MGAT5: variants seen among roughly 807,000 people sequenced by gnomAD.
The protein encoded by MGAT5 is alpha-1,6-mannosylglycoprotein 6-beta-N-acetylglucosaminyltransferase.
MGAT5 carries 30 observed loss-of-function variants against 94.3 expected under a neutral mutation model. The ratio of observed to expected loss-of-function variants is 0.32; its 90% CI spans 0.24 to 0.43. The LOEUF is 0.43. MGAT5 is among the 20% of genes least tolerant of loss of function. MGAT5 has a pLI of 1.00. For synonymous variants in MGAT5, 310 were observed against 322.9 expected (o/e 0.96, Z 0.43); for missense variants, 691 against 905.5 (o/e 0.76, Z 3.04).
Position 134,310,490 on chromosome 2 carries a change from C to T in MGAT5, c.407-7039C>T, listed in dbSNP as rs193047503. ...AAAATTATTTTATGCAATGATGATTCTATTTTCAACTTAGATTAAAAAACA... is the reference window on the plus strand; with the variant it reads ...AAAATTATTTTATGCAATGATGATTTTATTTTCAACTTAGATTAAAAAACA... On this transcript the variant is annotated intron_variant, in intron 2 of 15. Transcript: ENST00000281923. Among the ~76,000 whole-genome samples, 34 of 152,218 alleles carry T rather than the reference C, an allele frequency of 2.2e-4. No individual in the cohort carries two copies. The East Asian group carries it at 6.2e-3, about 28-fold the overall frequency.
Position 134,203,181 on chromosome 2 carries a change from C to T in MGAT5, c.-142-51081C>T, listed in dbSNP as rs560185836. On this transcript the variant is annotated intron_variant, in intron 1 of 16. Coordinates refer to the MGAT5 transcript ENST00000409645. ...TGGGACAATTTTAAATGTGTTAAAACTATGCAAAAATTAGGTTATCCCCAT... is the reference window on the plus strand; with the variant it reads ...TGGGACAATTTTAAATGTGTTAAAATTATGCAAAAATTAGGTTATCCCCAT... 2.3e-4 allele frequency among the ~76,000 whole-genome samples: 35 copies of T among 152,256 alleles called. 1 individual carries two copies. The South Asian group carries it at 5.6e-3, about 24-fold the overall frequency.
intron 4 of MGAT5, among the ~76,000 whole-genome samples, chr2:134,335,313 C>T (rs1688267673): frequency 6.6e-6 from 1 of 152,066 alleles, no homozygotes; most frequent in African/African-American, 2.4e-5. Flanking sequence ...ATTTTCAATG[C>T]CTGTTAGCCA....
chr2:134,397,448 A>G (rs1302522056), intron 10 of MGAT5, among the ~76,000 whole-genome samples: 1 of 152,110 alleles, frequency 6.6e-6, no homozygotes, highest in Non-Finnish European at 1.5e-5. Flanking sequence ...ACTCTCCCCA[A>G]AGGCCTGCAA....
chr2:134,384,904 G>A (rs1681874627), intron 10 of MGAT5, among the ~76,000 whole-genome samples: 1 of 152,162 alleles, frequency 6.6e-6, no homozygotes, highest in South Asian at 2.1e-4. Flanking sequence ...GCATGCTGGG[G>A]GTGGGAATGG....
At chr2:134,376,659 A>G (rs747804651) in intron 10 of MGAT5, among the ~76,000 whole-genome samples, 80 of 152,210 alleles carry the variant, frequency 5.3e-4, no homozygotes, top group Non-Finnish European at 7.8e-4. Flanking sequence ...TAGGGGAGGA[A>G]AGAAATTATC....
At chr2:134,435,629 C>T (rs977874268) in intron 14 of MGAT5, among the ~76,000 whole-genome samples, 2 of 152,156 alleles carry the variant, frequency 1.3e-5, no homozygotes, top group Non-Finnish European at 2.9e-5. Context: ...GATTGCATGT[C>T]GTCATGGTGA....
At chr2:134,447,772 C>T (rs1308292051) in intron 15 of MGAT5, among the ~76,000 whole-genome samples, 1 of 152,232 alleles carries the variant, frequency 6.6e-6, no homozygotes, top group African/African-American at 2.4e-5. Context: ...TCCTTGGCCC[C>T]CCTACGCAGT....
At chr2:134,358,891 C>T (rs989786878) in intron 9 of MGAT5, among the ~76,000 whole-genome samples, 4 of 152,082 alleles carry the variant, frequency 2.6e-5, no homozygotes, top group Non-Finnish European at 4.4e-5. Context: ...TAGAAATGCT[C>T]CAAAACATTT....
intron 1 of MGAT5, among the ~76,000 whole-genome samples, chr2:134,222,395 A>G (rs1965183): frequency 0.28 from 42,636 of 151,106 alleles, 6,645 homozygotes; most frequent in Non-Finnish European, 0.37. Context: ...TAGACTTACA[A>G]TGTGTTTACC....
intron 2 of MGAT5, among the ~76,000 whole-genome samples, chr2:134,311,432 T>C (rs1053638202): frequency 1.3e-5 from 2 of 152,120 alleles, no homozygotes. Context: ...ATAGAATTAG[T>C]GTATGGAAAA....
At chr2:134,124,242 T>C (rs2104874817) in intron 1 of MGAT5, among the ~76,000 whole-genome samples, 2 of 152,364 alleles carry the variant, frequency 1.3e-5, no homozygotes, top group Non-Finnish European at 2.9e-5. Flanking sequence ...CTTAGCACTG[T>C]AACCACGTTC....
Position 134,254,557 on chromosome 2 carries a change from G to T in MGAT5, c.154G>T (p.Asp52Tyr). ...CTCCATGCTGCGCGAGCAGATCCTG[G>T]ACCTCAGCAAAAGGTACATCAAGGC... is the stretch of plus-strand genomic sequence containing the variant. Reference protein sequence around the residue: ...SSSMLREQILDLSKRYIKALA... With the variant: ...SSSMLREQILYLSKRYIKALA... Residue 52 changes from aspartate to tyrosine, a missense_variant, in exon 1 of 16, where the codon GAC becomes TAC. Asp to Tyr is a radical substitution (Grantham distance 160, BLOSUM62 -3). Transcript: ENST00000281923. 6.2e-7 allele frequency: 1 copy of T among 1,614,186 alleles called. No homozygotes were observed. The highest frequency in any genetic ancestry group is 8.5e-7 in the Non-Finnish European group (1 of 1,180,040).
chr2:134,334,035 A>G (rs1157979129), intron 4 of MGAT5, among the ~76,000 whole-genome samples: 4 of 152,126 alleles, frequency 2.6e-5, no homozygotes, highest in Non-Finnish European at 5.9e-5. Context: ...TTCATAATTG[A>G]TTTTCCCACC....
At position 134,189,592 on chromosome 2, in the gene MGAT5, G is replaced by GTTTTTTTTTTTTTTTTTTTTTTT. The variant is rs113582076; in HGVS notation, c.-142-64661_-142-64660insTTTTTTTTTTTTTTTTTTTTTTT. Among the ~76,000 whole-genome samples, 43 of 56,278 alleles carry GTTTTTTTTTTTTTTTTTTTTTTT rather than the reference G, an allele frequency of 7.6e-4. 3 individuals are homozygous for GTTTTTTTTTTTTTTTTTTTTTTT. Among genetic ancestry groups the GTTTTTTTTTTTTTTTTTTTTTTT allele is most frequent in the African/African-American group, 2.2e-3 (35 of 16,100 alleles). 36.9% of individuals were successfully genotyped at this position (56,278 alleles called of 152,430 possible). The stretch of plus-strand genomic sequence containing the variant: ...ACATATGACTAACCTCATGGCTCTA[G>GTTTTTTTTTTTTTTTTTTTTTTT]TTTTTTTTTGTTTTTTTTTTTTTTT... On this transcript the variant is annotated intron_variant, in intron 1 of 16. Coordinates refer to the MGAT5 transcript ENST00000409645.
chr2:134,326,408 C>T (rs1320270664), intron 4 of MGAT5, among the ~76,000 whole-genome samples: 1 of 152,068 alleles, frequency 6.6e-6, no homozygotes, highest in Non-Finnish European at 1.5e-5. Context: ...GACCTTTTGA[C>T]ATGACCATGG....
Position 134,254,533 on chromosome 2 carries a change from T to C in MGAT5, c.130T>C (p.Ser44Pro), listed in dbSNP as rs760178949. 3.7e-6 allele frequency: 6 copies of C among 1,614,190 alleles called. No homozygotes were observed. In the South Asian group the frequency reaches 6.6e-5, roughly 18 times the overall value. Residue 44 changes from serine to proline, a missense_variant, in exon 1 of 16, where the codon TCC becomes CCC. Ser to Pro is a moderately conservative substitution (Grantham distance 74). Transcript: ENST00000281923. The stretch of plus-strand genomic sequence containing the variant: ...GCAGCGAACTCAGCCTGAAAGCAGC[T>C]CCATGCTGCGCGAGCAGATCCTGGA... ...IQQRTQPESS[S>P]MLREQILDLS...
At chr2:134,399,641 C>T (rs1321470436) in intron 10 of MGAT5, among the ~76,000 whole-genome samples, 1 of 152,214 alleles carries the variant, frequency 6.6e-6, no homozygotes, top group Non-Finnish European at 1.5e-5. Context: ...CCCTTTTTGA[C>T]TGCATCTCCA....
chr2:134,451,013 TG>T lies in MGAT5; in HGVS notation c.*2169del, dbSNP rs1472129017. 6.6e-6 allele frequency: 1 copy of T among 152,096 alleles called. No individual in the cohort carries two copies. The highest frequency in any genetic ancestry group is 1.5e-5 in the Non-Finnish European group (1 of 68,040). 9.4% of individuals were successfully genotyped at this position (152,096 alleles called of 1,614,324 possible). On this transcript the variant is annotated 3_prime_UTR_variant, in exon 16 of 16. Coordinates refer to ENST00000281923, the MANE Select transcript of MGAT5 (RefSeq NM_002410.5). ...TCCCTGGGCCAGTGCCGCCCTCTCC[TG>T]GGCTCTTCCAGGAGCATTGAACACT...
chr2:134,152,459 T>C (rs906256618), intron 1 of MGAT5, among the ~76,000 whole-genome samples: 3 of 142,740 alleles, frequency 2.1e-5, no homozygotes, highest in East Asian at 2.2e-4. Flanking sequence ...ACCCGTCCAC[T>C]GCCATGGGAC....
Sources: gnomAD v4.1 joint callset for allele counts (sites outside exome capture counted in the v4.1 genomes callset) on GRCh38, gnomAD v4.1.1 for gene constraint, MANE v1.5 for transcripts, NCBI Gene and HGNC (gene_info 2026-07-23, HGNC 2026-07-21) for gene names.